CFAP418: variants seen among roughly 807,000 people sequenced by gnomAD.
CFAP418 encodes cilia and flagella associated protein 418.
Under a neutral mutation model 24.7 loss-of-function variants are expected in CFAP418, and 27 were observed. That is an observed-to-expected ratio of 1.09 (90% confidence interval 0.81 to 1.51). CFAP418 has a LOEUF of 1.51. CFAP418 is among the 40% of genes most tolerant of loss of function. CFAP418 has a pLI of 0.00. For synonymous variants in CFAP418, 74 were observed against 87.3 expected, an observed-to-expected ratio of 0.85 and a Z score of 0.85; for missense variants, 257 against 255.2, an observed-to-expected ratio of 1.01 and a Z score of -0.05.
chr8:95,247,298 T>C lies in CFAP418; in HGVS notation c.*319A>G, dbSNP rs1811637437. Reference sequence around the variant, plus strand: ...TTGCTAAACGTATTAGCAATCAATATTGCAGTTGCTAATGAAAAACTAGAT... The same window carrying C: ...TTGCTAAACGTATTAGCAATCAATACTGCAGTTGCTAATGAAAAACTAGAT... On this transcript the variant is annotated 3_prime_UTR_variant, in exon 6 of 6. Transcript: ENST00000286688. 6.9e-6 allele frequency: 2 copies of C among 289,850 alleles called. No homozygotes were observed. The highest frequency in any genetic ancestry group is 4.5e-5 in the African/African-American group (2 of 44,872). 18.0% of individuals were successfully genotyped at this position (289,850 alleles called of 1,614,324 possible).
chr8:95,249,542 G>C (rs1530257), intron 5 of CFAP418, among the ~76,000 whole-genome samples: 1 of 151,948 alleles, frequency 6.6e-6, no homozygotes, highest in East Asian at 1.9e-4. Flanking sequence ...ATTCCTAGCT[G>C]CTCGAGAGGC....
intron 4 of CFAP418, among the ~76,000 whole-genome samples, chr8:95,257,422 C>A (rs960455887): frequency 6.6e-6 from 1 of 152,208 alleles, no homozygotes; most frequent in Non-Finnish European, 1.5e-5. Context: ...TCTCCAGACT[C>A]CTAATTTCAC....
intron 4 of CFAP418, among the ~76,000 whole-genome samples, chr8:95,253,785 T>C (rs886270962): frequency 6.6e-6 from 1 of 152,206 alleles, no homozygotes; most frequent in African/African-American, 2.4e-5. Flanking sequence ...GAAATGCAAA[T>C]TGATAGTTCC....
At chr8:95,268,550 G>A (rs918493511) in intron 1 of CFAP418, among the ~76,000 whole-genome samples, 2 of 151,904 alleles carry the variant, frequency 1.3e-5, no homozygotes, top group African/African-American at 4.8e-5. Context: ...GAGGCAATGG[G>A]ATGAGGCTGT....
In CFAP418 at chr8:95,245,404, T is replaced by TGTAA. The variant is rs1235211912; in HGVS notation, c.*2209_*2212dup. 8 of 152,156 alleles carry TGTAA rather than the reference T, an allele frequency of 5.3e-5. No individual in the cohort carries two copies. The highest frequency in any genetic ancestry group is 5.2e-4 in the Admixed American group (8 of 15,288). The allele number at this position is 152,156 out of a possible 1,614,324, so 9.4% of individuals were successfully genotyped here. On this transcript the variant is annotated 3_prime_UTR_variant, in exon 6 of 6. Coordinates refer to ENST00000286688, the MANE Select transcript of CFAP418 (RefSeq NM_177965.4). ...TGGAATGCCAAACATAGGCAATGTA[T>TGTAA]GTAAGTTTTAGGATAGTTATAATGA...
intron 1 of CFAP418, among the ~76,000 whole-genome samples, chr8:95,264,586 A>G (rs1030023427): frequency 2.0e-5 from 3 of 152,200 alleles, no homozygotes; most frequent in African/African-American, 7.2e-5. Context: ...ACTTAATACT[A>G]TACAAGATTA....
intron 5 of CFAP418, among the ~76,000 whole-genome samples, chr8:95,251,494 A>C (rs2132154530): frequency 6.6e-6 from 1 of 152,250 alleles, no homozygotes; most frequent in East Asian, 1.9e-4. Flanking sequence ...TGGATTATGG[A>C]GGGTCATGAA....
intron 4 of CFAP418, among the ~76,000 whole-genome samples, chr8:95,252,526 ATATAT>A (rs1442038521): frequency 6.6e-6 from 1 of 152,230 alleles, no homozygotes; most frequent in South Asian, 2.1e-4. Context: ...GAACTTACAC[ATATAT>A]TATATAGATA....
At chr8:95,265,302 T>C (rs1327780639) in intron 1 of CFAP418, among the ~76,000 whole-genome samples, 1 of 152,228 alleles carries the variant, frequency 6.6e-6, no homozygotes, top group African/African-American at 2.4e-5. Flanking sequence ...GATACCGACT[T>C]AGTTTAAATT....
At chr8:95,267,370 G>A (rs890589295) in intron 1 of CFAP418, among the ~76,000 whole-genome samples, 3 of 152,312 alleles carry the variant, frequency 2.0e-5, no homozygotes, top group Admixed American at 6.5e-5. Flanking sequence ...GGGAGGCCGA[G>A]GTGGGTGGAT....
chr8:95,268,916 G>C, intron 1 of CFAP418, 119 bp downstream of exon 1: 2 of 1,128,940 alleles, frequency 1.8e-6, no homozygotes, highest in Non-Finnish European at 1.3e-6. Context: ...TCTGAACCCT[G>C]ATGCAAGGAG....
chr8:95,250,168 G>A (rs1811685563), intron 5 of CFAP418, among the ~76,000 whole-genome samples: 1 of 152,116 alleles, frequency 6.6e-6, no homozygotes, highest in Admixed American at 6.5e-5. Flanking sequence ...AAATCTATCA[G>A]TGATTTATAT....
At position 95,245,076 on chromosome 8, in the gene CFAP418, T is replaced by C. The variant is rs1482437003; in HGVS notation, c.*2541A>G. ...CTTAAAAATAGCTACTTGCTAAAGA[T>C]AGAAAATTATTATAAATCTTAAAAA... On this transcript the variant is annotated 3_prime_UTR_variant, in exon 6 of 6. Transcript: ENST00000286688. 1 of 152,148 alleles carries C rather than the reference T, an allele frequency of 6.6e-6. No individual in the cohort carries two copies. The highest frequency in any genetic ancestry group is 1.9e-4 in the East Asian group (1 of 5,202). The allele number at this position is 152,148 out of a possible 1,614,324, so 9.4% of individuals were successfully genotyped here.
chr8:95,248,002 C>T (rs778808794), intron 5 of CFAP418, among the ~76,000 whole-genome samples: 4 of 151,974 alleles, frequency 2.6e-5, no homozygotes, highest in Admixed American at 6.6e-5. Flanking sequence ...CCACTATGCC[C>T]GGCTTAAAAA....
chr8:95,261,172 C>T (rs953881483), intron 2 of CFAP418, among the ~76,000 whole-genome samples: 2 of 152,088 alleles, frequency 1.3e-5, no homozygotes, highest in Admixed American at 6.5e-5. Flanking sequence ...CTAGGACCAC[C>T]GCCAAGGAGA....
chr8:95,253,732 C>T (rs901780569), intron 4 of CFAP418, among the ~76,000 whole-genome samples: 2 of 134,092 alleles, frequency 1.5e-5, no homozygotes, highest in East Asian at 4.2e-4. Flanking sequence ...TCAACAACTA[C>T]ATTTGTACAC....
intron 2 of CFAP418, among the ~76,000 whole-genome samples, chr8:95,261,939 A>G (rs1042792055): frequency 6.6e-6 from 1 of 152,246 alleles, no homozygotes; most frequent in Admixed American, 6.5e-5. Context: ...ATTAATTAGT[A>G]CTACTAATTG....
intron 5 of CFAP418, 79 bp downstream of exon 5, chr8:95,252,109 C>A: frequency 9.2e-7 from 1 of 1,091,410 alleles, no homozygotes; most frequent in South Asian, 1.4e-5. Context: ...TGGCTGAATC[C>A]ACCCAGAGAG....
Position 95,252,338 on chromosome 8 carries a change from A to G in CFAP418, c.375-55T>C. 17 of 1,132,980 alleles carry G rather than the reference A, an allele frequency of 1.5e-5. 1 individual carries two copies. The South Asian group carries it at 2.3e-4, about 15-fold the overall frequency. The allele number at this position is 1,132,980 out of a possible 1,614,324, so 70.2% of individuals were successfully genotyped here. Reference sequence around the variant, plus strand: ...AGATTATTGGTATCTTTAAATACCAATGAAAACATGGTGATTTATTTATAG... The same window carrying G: ...AGATTATTGGTATCTTTAAATACCAGTGAAAACATGGTGATTTATTTATAG... On this transcript the variant is annotated intron_variant, in intron 4 of 5. Coordinates refer to ENST00000286688, the MANE Select transcript of CFAP418 (RefSeq NM_177965.4).
Sources: allele counts gnomAD v4.1 joint callset (sites outside exome capture counted in the v4.1 genomes callset), GRCh38; gene constraint gnomAD v4.1.1; transcripts MANE v1.5; gene names NCBI Gene and HGNC (gene_info 2026-07-23, HGNC 2026-07-21).